The following NPR2 variants were observed in gnomAD, a reference collection of about 807,000 sequenced individuals.
NPR2 encodes natriuretic peptide receptor 2.
Under a neutral mutation model 120.7 loss-of-function variants are expected in NPR2, and 49 were observed. That is an observed-to-expected ratio of 0.41 (90% CI 0.32 to 0.52). The LOEUF (loss-of-function observed/expected upper bound fraction) is 0.52, where lower values mean the gene tolerates loss of function less well. Among genes scored for constraint, NPR2 ranks in the 20% least tolerant of loss-of-function variants. The pLI, the probability that NPR2 is intolerant of heterozygous loss-of-function variation, is 0.36. For synonymous variants in NPR2, 484 were observed against 519.8 expected, an observed-to-expected ratio of 0.93 and a Z score of 0.94; for missense variants, 931 against 1,362.9, an observed-to-expected ratio of 0.68 and a Z score of 4.99.
In NPR2 at chr9:35,809,137, C is replaced by T. The variant is rs1159881145; in HGVS notation, c.2987-19C>T. On this transcript the variant is annotated intron_variant, in intron 20 of 21. Coordinates refer to ENST00000342694, the MANE Select transcript of NPR2 (RefSeq NM_003995.4). The surrounding 1 kb of genome is among the most constrained non-coding windows in gnomAD (Gnocchi z 4.1). ...TTTGATTCCTCATTCCACCATCCTC[C>T]CCATTCCACCCACCCCAGCGCTGAA... 6.2e-7 allele frequency: 1 copy of T among 1,604,416 alleles called. No individual in the cohort carries two copies. Among genetic ancestry groups the T allele is most frequent in the Admixed American group, 1.7e-5 (1 of 60,004 alleles).
Position 35,792,501 on chromosome 9 carries a change from G to A in NPR2, c.93G>A (p.Leu31=), listed in dbSNP as rs760895284. The part of the protein sequence containing the change: ...GARNLTLAVV[L]PEHNLSYAWA... The stretch of plus-strand genomic sequence containing the variant: ...GGAACCTGACGCTGGCGGTGGTGCT[G>A]CCAGAACACAACCTGAGCTATGCCT... The change falls in exon 1 of 22, where the codon CTG becomes CTA. Residue 31 remains leucine, a synonymous_variant. Coordinates refer to ENST00000342694, the MANE Select transcript of NPR2 (RefSeq NM_003995.4). The A allele has an allele frequency of 3.7e-6, 6 of 1,610,270 alleles. No individual in the cohort carries two copies. In the South Asian group the frequency reaches 5.5e-5, roughly 15 times the overall value.
At chr9:35,795,705 C>T (rs1188961814) in intron 2 of NPR2, among the ~76,000 whole-genome samples, 1 of 152,194 alleles carries the variant, frequency 6.6e-6, no homozygotes, top group African/African-American at 2.4e-5. Flanking sequence ...ATCTTCTCAC[C>T]TTTGTCTGGG....
At chr9:35,804,134 G>GT (rs1356121219) in intron 12 of NPR2, among the ~76,000 whole-genome samples, 7 of 152,076 alleles carry the variant, frequency 4.6e-5, no homozygotes, top group African/African-American at 2.4e-5. Flanking sequence ...AGACAGAAAT[G>GT]TTTTTTGTTA....
chr9:35,808,397 G>A lies in NPR2; in HGVS notation c.2713-112G>A. On this transcript the variant is annotated intron_variant, in intron 18 of 21. Transcript: ENST00000342694. The surrounding 1 kb of genome is among the most constrained non-coding windows in gnomAD (Gnocchi z 4.0). ...GCACTTATTTTCTAGTCAATATTCT[G>A]GTCTCCAGCATGTCAGGATGATTAA... The A allele has an allele frequency of 7.2e-7, 1 of 1,392,346 alleles. No individual in the cohort carries two copies. The highest frequency in any genetic ancestry group is 1.0e-6 in the Non-Finnish European group (1 of 985,686). 86.2% of individuals were successfully genotyped at this position (1,392,346 alleles called of 1,614,324 possible).
At position 35,800,122 on chromosome 9, in the gene NPR2, G is replaced by C. The variant is rs554019454; in HGVS notation, c.1088G>C (p.Arg363Pro). The C allele has an allele frequency of 6.2e-7, 1 of 1,614,010 alleles. No homozygotes were observed. The highest frequency in any genetic ancestry group is 8.5e-7 in the Non-Finnish European group (1 of 1,179,884). The change falls in exon 4 of 22, where the codon CGA (arginine) becomes CCA (proline). Residue 363 changes from arginine (R) to proline (P), a missense_variant. By Grantham distance (103) the Arg-to-Pro change is moderately radical (BLOSUM62 -2). This residue lies in a region of NPR2 where 681 missense variants were observed against 974.3 expected (regional missense o/e 0.70). Transcript: ENST00000342694. The surrounding 1 kb of genome is among the most constrained non-coding windows in gnomAD (Gnocchi z 4.7). ...GGAGGCACCCGGGAGGATGGACTTCGAATTGTGGAAAAGATGCAGGGACGA... is the reference window on the plus strand; with the variant it reads ...GGAGGCACCCGGGAGGATGGACTTCCAATTGTGGAAAAGATGCAGGGACGA... The part of the protein sequence containing the change: ...QEGGTREDGL[R>P]IVEKMQGRRY...
In NPR2 at chr9:35,806,374, A is replaced by T; in HGVS notation, c.2373-18A>T. The T allele has an allele frequency of 6.2e-7, 1 of 1,613,694 alleles. No homozygotes were observed. The highest frequency in any genetic ancestry group is 8.5e-7 in the Non-Finnish European group (1 of 1,179,622). ...TTCAGAATCTTAGAGCAAGTGCCTT[A>T]TCCTGGCCTCCCTCTAGGGAGGGTG... On this transcript the variant is annotated intron_variant, in intron 15 of 21. Coordinates refer to ENST00000342694, the MANE Select transcript of NPR2 (RefSeq NM_003995.4). This position sits in a 1 kb window ranked among gnomAD's most constrained non-coding sequence, Gnocchi z 4.6.
rs1828628571 is a variant in NPR2, at chr9:35,809,314, GA to G, written c.3079-63del. 6.2e-7 allele frequency: 1 copy of G among 1,610,756 alleles called. No individual in the cohort carries two copies. Among genetic ancestry groups the G allele is most frequent in the Non-Finnish European group, 8.5e-7 (1 of 1,177,338 alleles). ...TGAAAGTGATTATGGGAATCATAGG[GA>G]AAGAGAGGGAGACAAAGGGACTAAC... On this transcript the variant is annotated intron_variant, in intron 21 of 21. Transcript: ENST00000342694. The surrounding 1 kb of genome is among the most constrained non-coding windows in gnomAD (Gnocchi z 4.1).
rs1390562991 is a variant in NPR2 at position 35,800,709 on chromosome 9, C to A, written c.1219C>A (p.Pro407Thr). 1.9e-6 allele frequency: 3 copies of A among 1,614,056 alleles called. No individual in the cohort carries two copies. Among genetic ancestry groups the A allele is most frequent in the Non-Finnish European group, 2.5e-6 (3 of 1,180,032 alleles). ...MGDLDSGDFQ[P>T]AAHYSGAEKQ... Reference sequence around the variant, plus strand: ...GGCCCAGCTTTTTGCTTCCTTACAGCCTGCAGCCCACTACTCGGGAGCTGA... The same window carrying A: ...GGCCCAGCTTTTTGCTTCCTTACAGACTGCAGCCCACTACTCGGGAGCTGA... Residue 407 changes from proline (P) to threonine (T), a missense_variant and splice_region_variant, in exon 6 of 22, where the codon CCT becomes ACT. Physicochemically the swap from Pro to Thr is conservative, Grantham distance 38 (BLOSUM62 -1). Around this residue, in one of 3 missense-constraint regions of NPR2, gnomAD observed 681 missense variants for 974.3 expected, o/e 0.70. Coordinates refer to ENST00000342694, the MANE Select transcript of NPR2 (RefSeq NM_003995.4). The surrounding 1 kb of genome is among the most constrained non-coding windows in gnomAD (Gnocchi z 4.7).
In NPR2 at chr9:35,800,643, A is replaced by C; in HGVS notation, c.1219-66A>C. 4 of 1,613,138 alleles carry C rather than the reference A, an allele frequency of 2.5e-6. No homozygotes were observed. Among genetic ancestry groups the C allele is most frequent in the Non-Finnish European group, 3.4e-6 (4 of 1,179,552 alleles). On this transcript the variant is annotated intron_variant, in intron 5 of 21. Coordinates refer to ENST00000342694, the MANE Select transcript of NPR2 (RefSeq NM_003995.4). The surrounding 1 kb of genome is among the most constrained non-coding windows in gnomAD (Gnocchi z 4.7). Reference sequence around the variant, plus strand: ...AGGCTGGGGAGAAAAGCAGCGAAACAGCTGGGGTCTGGGGAGGAGGCTGGT... The same window carrying C: ...AGGCTGGGGAGAAAAGCAGCGAAACCGCTGGGGTCTGGGGAGGAGGCTGGT...
rs1261155522 is a variant in NPR2, at chr9:35,809,069, G to A, written c.2987-87G>A. The A allele has an allele frequency of 6.9e-6, 9 of 1,297,374 alleles. No homozygotes were observed. In the East Asian group the frequency reaches 1.1e-4, roughly 17 times the overall value. The allele number at this position is 1,297,374 out of a possible 1,614,324, so 80.4% of individuals were successfully genotyped here. Reference sequence around the variant, plus strand: ...GAGCTTCCCAGGGATGGTTGGTCGGGCACGGTGCTATACAGTATCACCAAT... The same window carrying A: ...GAGCTTCCCAGGGATGGTTGGTCGGACACGGTGCTATACAGTATCACCAAT... On this transcript the variant is annotated intron_variant, in intron 20 of 21. Coordinates refer to ENST00000342694, the MANE Select transcript of NPR2 (RefSeq NM_003995.4). This position sits in a 1 kb window ranked among gnomAD's most constrained non-coding sequence, Gnocchi z 4.1.
At chr9:35,798,981 T>A (rs926098384) in intron 2 of NPR2, among the ~76,000 whole-genome samples, 1 of 152,234 alleles carries the variant, frequency 6.6e-6, no homozygotes, top group African/African-American at 2.4e-5. Flanking sequence ...CTGTTTGTGG[T>A]AGGTGTTCCA....
chr9:35,800,797 A>G lies in NPR2; in HGVS notation c.1307A>G (p.Asn436Ser), dbSNP rs1287925826. The G allele has an allele frequency of 1.9e-6, 3 of 1,614,132 alleles. No individual in the cohort carries two copies. The highest frequency in any genetic ancestry group is 1.1e-5 in the South Asian group (1 of 91,082). ...GTGAAGGGGGCTCCTCCCTCGGACA[A>G]TCCCCCCTGTGCCTTTGACTTGGAC... ...PWVKGAPPSDNPPCAFDLDDP... is the reference protein window; with the variant it reads ...PWVKGAPPSDSPPCAFDLDDP... Residue 436 changes from asparagine to serine, a missense_variant, in exon 6 of 22, where the codon AAT (asparagine) becomes AGT (serine). Asn to Ser is a conservative substitution (Grantham distance 46). Transcript: ENST00000342694. This position sits in a 1 kb window ranked among gnomAD's most constrained non-coding sequence, Gnocchi z 4.7.
Position 35,802,203 on chromosome 9 carries a change from C to A in NPR2, c.1633-3C>A. 1 of 1,591,162 alleles carries A rather than the reference C, an allele frequency of 6.3e-7. No homozygotes were observed. The highest frequency in any genetic ancestry group is 8.6e-7 in the Non-Finnish European group (1 of 1,159,088). ...TCCTTTCCCCTTTCACTCCCACCAT[C>A]AGGGAAATGTTGTCGCCATCAAACA... On this transcript the variant is annotated splice_region_variant and splice_polypyrimidine_tract_variant and intron_variant, in intron 9 of 21. Transcript: ENST00000342694. The surrounding 1 kb of genome is among the most constrained non-coding windows in gnomAD (Gnocchi z 4.2).
chr9:35,799,946 AGAAG>A (rs1828081787), intron 3 of NPR2, 72 bp from the exon 4 acceptor site: 1 of 1,597,582 alleles, frequency 6.3e-7, no homozygotes, highest in Non-Finnish European at 8.6e-7. Flanking sequence ...GAGAATAGGT[AGAAG>A]GGAGACCCCA....
chr9:35,805,685 C>A lies in NPR2; in HGVS notation c.2047+15C>A, dbSNP rs747831298. ...CCTCTATGCCAGTGAGGCCCACCCC[C>A]ACAACCCACTTTTTATATTGCTCCT... On this transcript the variant is annotated intron_variant, in intron 13 of 21. Transcript: ENST00000342694. The surrounding 1 kb of genome is among the most constrained non-coding windows in gnomAD (Gnocchi z 4.9). The A allele has an allele frequency of 8.7e-6, 14 of 1,613,860 alleles. No individual in the cohort carries two copies. The South Asian group carries it at 1.3e-4, about 15-fold the overall frequency.
rs755159340 is a variant in NPR2, at chr9:35,806,252, G to C, written c.2372+19G>C. On this transcript the variant is annotated intron_variant, in intron 15 of 21. Transcript: ENST00000342694. The surrounding 1 kb of genome is among the most constrained non-coding windows in gnomAD (Gnocchi z 4.6). ...TTAACAAGTGAGAGGGCATTATGGG[G>C]CAGGGGCTTCCCAGGGATAGAAGAC... is the stretch of plus-strand genomic sequence containing the variant. 1.2e-6 allele frequency: 2 copies of C among 1,614,046 alleles called. No homozygotes were observed. The highest frequency in any genetic ancestry group is 1.1e-5 in the South Asian group (1 of 91,084).
In NPR2 at chr9:35,802,400, A is replaced by G; in HGVS notation, c.1711-103A>G. The G allele has an allele frequency of 1.0e-6, 1 of 955,460 alleles. No individual in the cohort carries two copies. The highest frequency in any genetic ancestry group is 1.7e-6 in the Non-Finnish European group (1 of 582,344). 59.2% of individuals were successfully genotyped at this position (955,460 alleles called of 1,614,324 possible). ...GATTTATAAATGATTTTAAAATCGTAGATACAACTAAGAGAAAGGTCCTCT... is the reference window on the plus strand; with the variant it reads ...GATTTATAAATGATTTTAAAATCGTGGATACAACTAAGAGAAAGGTCCTCT... On this transcript the variant is annotated intron_variant, in intron 10 of 21. Coordinates refer to ENST00000342694, the MANE Select transcript of NPR2 (RefSeq NM_003995.4). The surrounding 1 kb of genome is among the most constrained non-coding windows in gnomAD (Gnocchi z 4.2).
In NPR2 at chr9:35,801,715, C is replaced by G; in HGVS notation, c.1509C>G (p.Asn503Lys). The G allele has an allele frequency of 6.2e-7, 1 of 1,614,218 alleles. No homozygotes were observed. The highest frequency in any genetic ancestry group is 8.5e-7 in the Non-Finnish European group (1 of 1,180,036). Reference sequence around the variant, plus strand: ...GCTGGGAAGAACTGCAGTTTGGCAACTCAGAGCGTTATCACAAAGGTGCAG... The same window carrying G: ...GCTGGGAAGAACTGCAGTTTGGCAAGTCAGAGCGTTATCACAAAGGTGCAG... ...RIRWEELQFG[N>K]SERYHKGAGS... The change falls in exon 8 of 22, where the codon AAC (asparagine) becomes AAG (lysine). Residue 503 changes from asparagine to lysine, a missense_variant. Asn to Lys is a moderately conservative substitution (Grantham distance 94). Around this residue, in one of 3 missense-constraint regions of NPR2, gnomAD observed 681 missense variants for 974.3 expected, o/e 0.70. Transcript: ENST00000342694.
chr9:35,798,024 A>G (rs1421442301), intron 2 of NPR2, among the ~76,000 whole-genome samples: 1 of 152,188 alleles, frequency 6.6e-6, no homozygotes, highest in Non-Finnish European at 1.5e-5. Flanking sequence ...AAGATGGTCA[A>G]TATTGATAGA....
Sources: allele counts gnomAD v4.1 joint callset (sites outside exome capture counted in the v4.1 genomes callset), GRCh38; gene constraint gnomAD v4.1.1; regional missense constraint gnomAD v4.1.1; non-coding constraint Gnocchi (gnomAD v3.1); transcripts MANE v1.5; gene names NCBI Gene and HGNC (gene_info 2026-07-23, HGNC 2026-07-21).